Variants in DTNBP1 observed in about 807,000 individuals in gnomAD.
DTNBP1 encodes dystrobrevin binding protein 1.
A neutral mutation model predicts 42.8 loss-of-function variants in DTNBP1; 35 were observed. The ratio of observed to expected loss-of-function variants is 0.82; its 90% CI spans 0.63 to 1.09. DTNBP1 has a LOEUF of 1.09. Ranked by LOEUF, DTNBP1 falls within the 50% of genes least tolerant of loss-of-function variation. The probability of loss-of-function intolerance (pLI) is 0.00; values close to 1 mark genes in which losing one functional copy is unlikely to be tolerated. For synonymous variants in DTNBP1, 171 were observed against 162.2 expected (o/e 1.05, Z -0.41); for missense variants, 457 against 424.2 (o/e 1.08, Z -0.68).
At chr6:15,615,860 T>TC (rs1758687690) in intron 5 of DTNBP1, among the ~76,000 whole-genome samples, 1 of 152,254 alleles carries the variant, frequency 6.6e-6, no homozygotes, top group Non-Finnish European at 1.5e-5. Flanking sequence ...CTCTGGCACA[T>TC]CACATACACA....
intron 7 of DTNBP1, among the ~76,000 whole-genome samples, chr6:15,567,396 T>A (rs913076444): frequency 6.6e-6 from 1 of 152,074 alleles, no homozygotes. Context: ...GAGGCTACAG[T>A]GAGCTATGAT....
chr6:15,612,153 C>G (rs1758441368), intron 6 of DTNBP1, among the ~76,000 whole-genome samples: 1 of 152,254 alleles, frequency 6.6e-6, no homozygotes, highest in East Asian at 1.9e-4. Context: ...CTTCAGCAAC[C>G]ACCACCTGAT....
chr6:15,572,416 C>G (rs1474289545), intron 7 of DTNBP1, among the ~76,000 whole-genome samples: 1 of 152,164 alleles, frequency 6.6e-6, no homozygotes, highest in Non-Finnish European at 1.5e-5. Flanking sequence ...GGAGAGGTTT[C>G]AACTTGATTT....
chr6:15,604,711 A>T (rs1474794426), intron 6 of DTNBP1, among the ~76,000 whole-genome samples: 3 of 152,144 alleles, frequency 2.0e-5, no homozygotes, highest in Non-Finnish European at 2.9e-5. Flanking sequence ...TGTTCTAAAG[A>T]TTTTCTAAAT....
At chr6:15,548,884 T>C (rs912620186) in intron 7 of DTNBP1, among the ~76,000 whole-genome samples, 1 of 152,214 alleles carries the variant, frequency 6.6e-6, no homozygotes, top group African/African-American at 2.4e-5. Context: ...TTATTTGTTT[T>C]AATCATGAGA....
rs184594768 is a variant in DTNBP1 at position 15,599,070 on chromosome 6, C to T, written c.489-5989G>A. Among the ~76,000 whole-genome samples, 116 of 152,236 alleles carry T rather than the reference C, an allele frequency of 7.6e-4. 1 individual carries two copies. Among genetic ancestry groups the T allele is most frequent in the East Asian group, 5.8e-3 (30 of 5,174 alleles). ...TTCCAAAAAAGATAATGAAGGTCTA[C>T]GCAGGTTGGCAGCACTAAGTTATAC... is the stretch of plus-strand genomic sequence containing the variant. On this transcript the variant is annotated intron_variant, in intron 6 of 9. Coordinates refer to ENST00000344537, the MANE Select transcript of DTNBP1 (RefSeq NM_032122.5).
intron 7 of DTNBP1, among the ~76,000 whole-genome samples, chr6:15,560,419 A>G (rs1031195255): frequency 1.3e-5 from 2 of 152,220 alleles, no homozygotes; most frequent in African/African-American, 4.8e-5. Context: ...AATTTGAAGC[A>G]TATTTCTTTC....
At chr6:15,590,459 C>T (rs1021184988) in intron 7 of DTNBP1, among the ~76,000 whole-genome samples, 2 of 152,146 alleles carry the variant, frequency 1.3e-5, no homozygotes, top group Non-Finnish European at 2.9e-5. Flanking sequence ...CCACTTTTGT[C>T]CTACCTCATC....
intron 7 of DTNBP1, among the ~76,000 whole-genome samples, chr6:15,558,083 T>C (rs1380602769): frequency 2.0e-5 from 3 of 151,616 alleles, no homozygotes; most frequent in African/African-American, 7.3e-5. Flanking sequence ...ATAATTTTGA[T>C]ATGACTTAGT....
intron 4 of DTNBP1, among the ~76,000 whole-genome samples, chr6:15,633,382 C>T (rs933533454): frequency 1.8e-4 from 28 of 152,324 alleles, no homozygotes; most frequent in Middle Eastern, 3.4e-3. Context: ...CATCACACAA[C>T]ATTCATGACT....
chr6:15,564,558 C>T (rs187301761), intron 7 of DTNBP1, among the ~76,000 whole-genome samples: 1 of 152,148 alleles, frequency 6.6e-6, no homozygotes, highest in Admixed American at 6.5e-5. Context: ...CAGGCGTGTA[C>T]TACCTCTCCT....
At chr6:15,551,925 G>A (rs879748273) in intron 7 of DTNBP1, among the ~76,000 whole-genome samples, 3 of 152,228 alleles carry the variant, frequency 2.0e-5, no homozygotes, top group Non-Finnish European at 4.4e-5. Flanking sequence ...CAGGCCAGAC[G>A]TTTGAGGTGC....
intron 5 of DTNBP1, among the ~76,000 whole-genome samples, chr6:15,616,102 G>C (rs545680888): frequency 6.6e-6 from 1 of 152,348 alleles, no homozygotes; most frequent in African/African-American, 2.4e-5. Context: ...AACAAATACA[G>C]TGCCTTGCCC....
At position 15,576,313 on chromosome 6, in the gene DTNBP1, G is replaced by A. The variant is rs897509937; in HGVS notation, c.511+16746C>T. On this transcript the variant is annotated intron_variant, in intron 7 of 9. Coordinates refer to ENST00000344537, the MANE Select transcript of DTNBP1 (RefSeq NM_032122.5). Reference sequence around the variant, plus strand: ...TTTGTATTTTTTATTAGTAGAGACAGGGTTTCACCATGTTGGCCAGGCTGG... The same window carrying A: ...TTTGTATTTTTTATTAGTAGAGACAAGGTTTCACCATGTTGGCCAGGCTGG... 5.9e-5 allele frequency among the ~76,000 whole-genome samples: 9 copies of A among 151,972 alleles called. No individual in the cohort carries two copies. In the South Asian group the frequency reaches 1.9e-3, roughly 32 times the overall value.
At chr6:15,598,195 A>G (rs1023766061) in intron 6 of DTNBP1, among the ~76,000 whole-genome samples, 1 of 152,242 alleles carries the variant, frequency 6.6e-6, no homozygotes, top group South Asian at 2.1e-4. Flanking sequence ...AATCACATTA[A>G]TAAGCCTATG....
chr6:15,615,229 G>C, intron 6 of DTNBP1, 38 bp downstream of exon 6: 1 of 1,613,960 alleles, frequency 6.2e-7, no homozygotes, highest in Non-Finnish European at 8.5e-7. Flanking sequence ...AAAACTTCGA[G>C]ACTGGAATGA....
chr6:15,649,395 A>T (rs1760859471), intron 3 of DTNBP1, among the ~76,000 whole-genome samples: 1 of 152,226 alleles, frequency 6.6e-6, no homozygotes, highest in Non-Finnish European at 1.5e-5. Flanking sequence ...AAATGAAATA[A>T]GCCGGTCACA....
chr6:15,578,820 T>A (rs1407460987), intron 7 of DTNBP1, among the ~76,000 whole-genome samples: 1 of 152,120 alleles, frequency 6.6e-6, no homozygotes, highest in Admixed American at 6.5e-5. Context: ...TCACTAACCA[T>A]CAGGGAAATG....
At chr6:15,584,700 T>G (rs930705426) in intron 7 of DTNBP1, among the ~76,000 whole-genome samples, 2 of 144,756 alleles carry the variant, frequency 1.4e-5, no homozygotes, top group African/African-American at 5.2e-5. Context: ...AGACAACATG[T>G]ATTTCTTTTT....
Sources: gnomAD v4.1 joint callset for allele counts (sites outside exome capture counted in the v4.1 genomes callset) on GRCh38, gnomAD v4.1.1 for gene constraint, MANE v1.5 for transcripts, NCBI Gene and HGNC (gene_info 2026-07-23, HGNC 2026-07-21) for gene names.